Variants in TMC2 observed in about 807,000 individuals in gnomAD.
The protein encoded by TMC2 is transmembrane channel like 2.
In TMC2, 102 loss-of-function variants were observed where a neutral mutation model predicts 105.9. That is an observed-to-expected ratio of 0.96 (90% CI 0.82 to 1.14). The LOEUF is 1.14. Ranked by LOEUF, TMC2 falls within the 50% of genes most tolerant of loss-of-function variation. TMC2 has a pLI of 0.00. For missense variants in TMC2, 1,093 were observed against 1,134.3 expected, an observed-to-expected ratio of 0.96 and a Z score of 0.52; for synonymous variants, 402 against 422.8, an observed-to-expected ratio of 0.95 and a Z score of 0.60.
intron 16 of TMC2, 82 bp from the exon 17 acceptor site, chr20:2,624,189 C>T (rs2086547402): frequency 1.4e-5 from 21 of 1,471,508 alleles, no homozygotes; most frequent in Admixed American, 2.0e-5. Flanking sequence ...AGCCCTGGAC[C>T]TGGGTAGGGG....
At position 2,617,200 on chromosome 20, in the gene TMC2, G is replaced by C; in HGVS notation, c.2069G>C (p.Arg690Pro). ...VPHERVFKAS[R>P]SNNFYMGLLL... ...CATGAACGCGTGTTCAAAGCCTCCC[G>C]ATCCAACAACTTCTACATGGGCCTC... The change falls in exon 16 of 20, where the codon CGA (arginine) becomes CCA (proline). Residue 690 changes from arginine to proline, a missense_variant. Coordinates refer to ENST00000358864, the MANE Select transcript of TMC2 (RefSeq NM_080751.3). 1 of 1,614,198 alleles carries C rather than the reference G, an allele frequency of 6.2e-7. No individual in the cohort carries two copies. The highest frequency in any genetic ancestry group is 8.5e-7 in the Non-Finnish European group (1 of 1,180,040).
At chr20:2,579,894 T>G in intron 6 of TMC2, 56 bp from the exon 7 acceptor site, 1 of 1,111,482 alleles carries the variant, frequency 9.0e-7, no homozygotes, top group East Asian at 2.4e-5. Context: ...AAGTGCTCAA[T>G]AGTGTCCATT....
chr20:2,570,921 T>C (rs1401021593), intron 4 of TMC2, among the ~76,000 whole-genome samples: 1 of 152,136 alleles, frequency 6.6e-6, no homozygotes, highest in Non-Finnish European at 1.5e-5. Flanking sequence ...ATTCAATAAA[T>C]GGTGCTGGGA....
chr20:2,638,904 AATTT>A (rs1282345835), intron 19 of TMC2, among the ~76,000 whole-genome samples: 1 of 151,758 alleles, frequency 6.6e-6, no homozygotes, highest in Non-Finnish European at 1.5e-5. Flanking sequence ...AGAAAAAAAA[AATTT>A]TTTTTGAGAC....
chr20:2,615,277 T>C (rs1263615145), intron 14 of TMC2, among the ~76,000 whole-genome samples: 3 of 152,178 alleles, frequency 2.0e-5, no homozygotes, highest in Non-Finnish European at 2.9e-5. Flanking sequence ...GCTGAGATTG[T>C]GCCACTGCAC....
intron 17 of TMC2, among the ~76,000 whole-genome samples, chr20:2,634,950 G>C (rs2086630770): frequency 6.6e-6 from 1 of 152,216 alleles, no homozygotes; most frequent in Admixed American, 6.5e-5. Flanking sequence ...GGGCTCACAG[G>C]CTCTATTGAG....
In TMC2 at chr20:2,617,135, G is replaced by A. The variant is rs975872486; in HGVS notation, c.2004G>A (p.Met668Ile). Residue 668 changes from methionine to isoleucine, a missense_variant, in exon 16 of 20, where the codon ATG becomes ATA. Transcript: ENST00000358864. ...GINVLRLLTS[M>I]YFQCWAVMSS... ...ATGTGCTGCGCCTGCTGACCTCCAT[G>A]TACTTCCAGTGCTGGGCGGTGATGA... The A allele has an allele frequency of 3.7e-6, 6 of 1,614,070 alleles. No homozygotes were observed. Among genetic ancestry groups the A allele is most frequent in the Admixed American group, 1.7e-5 (1 of 60,000 alleles).
At position 2,637,962 on chromosome 20, in the gene TMC2, G is replaced by A. The variant is rs115415229; in HGVS notation, c.2503+371G>A. Among the ~76,000 whole-genome samples the A allele has an allele frequency of 5.4e-3, 829 of 152,288 alleles. 9 individuals carry two copies. Among genetic ancestry groups the A allele is most frequent in the African/African-American group, 0.019 (789 of 41,558 alleles). On this transcript the variant is annotated intron_variant, in intron 19 of 19. Coordinates refer to ENST00000358864, the MANE Select transcript of TMC2 (RefSeq NM_080751.3). ...AGCTGAATAATTCCTATTGCCAAGTGACGTAACTGTCAACATTGTAGCAAA... is the reference window on the plus strand; with the variant it reads ...AGCTGAATAATTCCTATTGCCAAGTAACGTAACTGTCAACATTGTAGCAAA...
chr20:2,546,130 A>G (rs2085924958), intron 2 of TMC2, among the ~76,000 whole-genome samples: 1 of 152,136 alleles, frequency 6.6e-6, no homozygotes, highest in Non-Finnish European at 1.5e-5. Flanking sequence ...CTAGGACATG[A>G]TGAAGGTTTT....
rs745868225 is a variant in TMC2, at chr20:2,558,740, AGGG to A, written c.368_370del (p.Arg123_Glu124delinsLys). Reference sequence around the variant, plus strand: ...AAAGAGGGAAAAGGAGATTCCGAGGAGGGAGGAGAAGTCGAAGCGGCAGAAGAA... The same window carrying A: ...AAAGAGGGAAAAGGAGATTCCGAGGAAGGAGAAGTCGAAGCGGCAGAAGAA... On this transcript the variant is annotated inframe_deletion, in exon 3 of 20. Coordinates refer to ENST00000358864, the MANE Select transcript of TMC2 (RefSeq NM_080751.3). This position sits in a 1 kb window ranked among gnomAD's most constrained non-coding sequence, Gnocchi z 4.6. 5.7e-6 allele frequency: 9 copies of A among 1,575,386 alleles called. No homozygotes were observed. The highest frequency in any genetic ancestry group is 1.7e-4 in the Middle Eastern group (1 of 5,838).
At position 2,579,207 on chromosome 20, in the gene TMC2, T is replaced by C. The variant is rs1330263345; in HGVS notation, c.707T>C (p.Met236Thr). 2 of 1,601,758 alleles carry C rather than the reference T, an allele frequency of 1.2e-6. No homozygotes were observed. The highest frequency in any genetic ancestry group is 1.7e-6 in the Non-Finnish European group (2 of 1,168,948). The change falls in exon 6 of 20, where the codon ATG becomes ACG. Residue 236 changes from methionine (M) to threonine (T), a missense_variant. By Grantham distance (81) the Met-to-Thr change is moderately conservative. Coordinates refer to ENST00000358864, the MANE Select transcript of TMC2 (RefSeq NM_080751.3). ...AAGACTCAATGTATCCCCTGGGAAA[T>C]GAAGATCAAGGACATTGAAAGTGAG... ...NFKTQCIPWE[M>T]KIKDIESHFG...
chr20:2,592,180 A>G lies in TMC2; in HGVS notation c.835-130A>G. On this transcript the variant is annotated intron_variant, in intron 7 of 19. Transcript: ENST00000358864. This position sits in a 1 kb window ranked among gnomAD's most constrained non-coding sequence, Gnocchi z 4.9. ...AAAATAAAAAATGAATTAAATTAAT[A>G]AATACATAAAGAAAGAAGAAAATAG... is the stretch of plus-strand genomic sequence containing the variant. The G allele has an allele frequency of 1.8e-6, 1 of 565,108 alleles. No individual in the cohort carries two copies. Among genetic ancestry groups the G allele is most frequent in the Non-Finnish European group, 3.1e-6 (1 of 318,950 alleles). The allele number at this position is 565,108 out of a possible 1,614,324, so 35.0% of individuals were successfully genotyped here.
chr20:2,631,768 G>A (rs2086605108), intron 17 of TMC2, among the ~76,000 whole-genome samples: 2 of 149,844 alleles, frequency 1.3e-5, no homozygotes, highest in South Asian at 4.3e-4. Flanking sequence ...ATCCTGCATG[G>A]AATTTGTTGA....
At chr20:2,629,870 C>T (rs181166156) in intron 17 of TMC2, among the ~76,000 whole-genome samples, 1 of 152,340 alleles carries the variant, frequency 6.6e-6, no homozygotes, top group East Asian at 1.9e-4. Flanking sequence ...GGAACATATT[C>T]ATGCTCATTC....
intron 2 of TMC2, among the ~76,000 whole-genome samples, chr20:2,550,053 C>T (rs566302543): frequency 1.4e-4 from 21 of 151,842 alleles, no homozygotes; most frequent in Non-Finnish European, 2.4e-4. Context: ...CATAGTGGTG[C>T]GCACCTATAA....
chr20:2,592,188 A>G lies in TMC2; in HGVS notation c.835-122A>G. 3.3e-6 allele frequency: 2 copies of G among 600,814 alleles called. No individual in the cohort carries two copies. The highest frequency in any genetic ancestry group is 5.6e-5 in the East Asian group (2 of 35,414). 37.2% of individuals were successfully genotyped at this position (600,814 alleles called of 1,614,324 possible). A position where few individuals can be genotyped will look rare whatever the true frequency, so the allele number is the denominator to read the frequency against. ...AAATGAATTAAATTAATAAATACAT[A>G]AAGAAAGAAGAAAATAGGTGTATTC... On this transcript the variant is annotated intron_variant, in intron 7 of 19. Transcript: ENST00000358864. This position sits in a 1 kb window ranked among gnomAD's most constrained non-coding sequence, Gnocchi z 4.9.
intron 9 of TMC2, among the ~76,000 whole-genome samples, chr20:2,595,509 C>T (rs767478254): frequency 6.6e-6 from 1 of 152,024 alleles, no homozygotes; most frequent in Non-Finnish European, 1.5e-5. Context: ...AGTGATTAAC[C>T]ATGGCGGCCT....
At chr20:2,608,129 A>AG (rs1359078044) in intron 11 of TMC2, among the ~76,000 whole-genome samples, 8 of 147,752 alleles carry the variant, frequency 5.4e-5, no homozygotes, top group African/African-American at 1.8e-4. Flanking sequence ...TCTTAAAAAA[A>AG]AAAAAAAGAA....
At chr20:2,609,934 G>A (rs551263717) in intron 11 of TMC2, among the ~76,000 whole-genome samples, 1 of 152,090 alleles carries the variant, frequency 6.6e-6, no homozygotes, top group African/African-American at 2.4e-5. Flanking sequence ...TGTAACCTCC[G>A]CCTCCAGGGT....
Sources: allele counts gnomAD v4.1 joint callset (sites outside exome capture counted in the v4.1 genomes callset), GRCh38; gene constraint gnomAD v4.1.1; non-coding constraint Gnocchi (gnomAD v3.1); transcripts MANE v1.5; gene names NCBI Gene and HGNC (gene_info 2026-07-23, HGNC 2026-07-21).